FARP1: variants seen among roughly 807,000 people sequenced by gnomAD.
FARP1 encodes the protein FERM, ARH/RhoGEF and pleckstrin domain protein 1.
FARP1 carries 52 observed loss-of-function variants against 128.8 expected under a neutral mutation model. The ratio of observed to expected loss-of-function variants is 0.40; its 90% confidence interval spans 0.32 to 0.51. The LOEUF (loss-of-function observed/expected upper bound fraction) is 0.51. Ranked by LOEUF, FARP1 falls within the 20% of genes least tolerant of loss-of-function variation. The probability of loss-of-function intolerance (pLI) is 0.45; values close to 1 mark genes in which losing one functional copy is unlikely to be tolerated. For missense variants in FARP1, 1,333 were observed against 1,367.9 expected, an observed-to-expected ratio of 0.97 and a Z score of 0.40; for synonymous variants, 580 against 551.8, an observed-to-expected ratio of 1.05 and a Z score of -0.72.
chr13:98,168,185 A>AAT (rs1365140231), intron 1 of FARP1, among the ~76,000 whole-genome samples: 2 of 147,670 alleles, frequency 1.4e-5, no homozygotes, highest in Non-Finnish European at 2.9e-5. Flanking sequence ...AAAAAAAAAT[A>AAT]AAATAAATAA....
intron 13 of FARP1, chr13:98,404,231 TG>T (rs1475288459): frequency 6.6e-6 from 1 of 152,264 alleles, no homozygotes; most frequent in Admixed American, 6.5e-5. Context: ...GATGCTTAGC[TG>T]CTTGTGAAAC....
intron 6 of FARP1, among the ~76,000 whole-genome samples, chr13:98,378,448 G>C (rs980960605): frequency 3.9e-5 from 6 of 152,164 alleles, no homozygotes; most frequent in African/African-American, 1.2e-4. Context: ...CTCCAGGCTT[G>C]CTGACAAGCC....
intron 1 of FARP1, among the ~76,000 whole-genome samples, chr13:98,169,228 A>G (rs905577444): frequency 4.6e-5 from 7 of 152,050 alleles, no homozygotes; most frequent in African/African-American, 1.7e-4. Flanking sequence ...TTCAGCTTCT[A>G]TCTGAATGGG....
intron 24 of FARP1, among the ~76,000 whole-genome samples, chr13:98,443,476 T>C (rs7993719): frequency 0.018 from 2,776 of 152,280 alleles, 76 homozygotes; most frequent in African/African-American, 0.062. Context: ...CAGGGCCTCC[T>C]CCCTGCATGA....
intron 6 of FARP1, among the ~76,000 whole-genome samples, chr13:98,378,830 T>C (rs1360442912): frequency 2.1e-5 from 3 of 145,134 alleles, no homozygotes; most frequent in East Asian, 2.0e-4. Context: ...TTGAAAAAAA[T>C]GACATGGGCA....
chr13:98,179,096 C>T (rs1878317966), intron 1 of FARP1, among the ~76,000 whole-genome samples: 1 of 152,116 alleles, frequency 6.6e-6, no homozygotes, highest in Non-Finnish European at 1.5e-5. Context: ...TAAAGACACA[C>T]CTGAGACTGG....
chr13:98,232,142 TTGG>T (rs1882156216), intron 2 of FARP1, among the ~76,000 whole-genome samples: 2 of 126,918 alleles, frequency 1.6e-5, no homozygotes, highest in African/African-American at 3.9e-5. Flanking sequence ...TTTTGTTTGG[TTGG>T]TTTTTTTTTT....
chr13:98,351,725 A>G (rs369817781), intron 3 of FARP1, among the ~76,000 whole-genome samples: 3 of 152,148 alleles, frequency 2.0e-5, no homozygotes, highest in Admixed American at 6.5e-5. Flanking sequence ...CAGAAGGTGA[A>G]GTAGGAACAG....
rs147799598 is a variant in FARP1, at chr13:98,270,004, C to T, written c.171+56591C>T. ...CCTGTAGTCCCAACTACTTGGGAGG[C>T]TGAGGCCAGAGAATCACTTGAACCT... is the stretch of plus-strand genomic sequence containing the variant. On this transcript the variant is annotated intron_variant, in intron 2 of 26. Transcript: ENST00000319562. 1.0e-3 allele frequency among the ~76,000 whole-genome samples: 158 copies of T among 152,222 alleles called. 1 individual carries two copies. The East Asian group carries it at 0.029, about 28-fold the overall frequency.
intron 2 of FARP1, among the ~76,000 whole-genome samples, chr13:98,309,982 G>T (rs1886382950): frequency 6.6e-6 from 1 of 151,962 alleles, no homozygotes; most frequent in Admixed American, 6.6e-5. Context: ...CTCTTCCTCT[G>T]TCTGTGTGCG....
chr13:98,162,567 C>T (rs1269363574), intron 1 of FARP1, among the ~76,000 whole-genome samples: 1 of 152,168 alleles, frequency 6.6e-6, no homozygotes, highest in Non-Finnish European at 1.5e-5. Flanking sequence ...TGTTTGGCCC[C>T]CATGGTCTGT....
intron 2 of FARP1, among the ~76,000 whole-genome samples, chr13:98,261,498 C>T (rs1883879790): frequency 6.6e-6 from 1 of 151,530 alleles, no homozygotes; most frequent in African/African-American, 2.4e-5. Flanking sequence ...TCAGCTCCCA[C>T]TGGTATGCAT....
intron 24 of FARP1, among the ~76,000 whole-genome samples, chr13:98,441,081 A>G (rs1286251961): frequency 6.6e-6 from 1 of 152,234 alleles, no homozygotes; most frequent in African/African-American, 2.4e-5. Flanking sequence ...GGTGCTCATC[A>G]GTCCTATTGC....
At chr13:98,440,911 G>A in intron 24 of FARP1, 75 bp downstream of exon 24, 1 of 1,434,550 alleles carries the variant, frequency 7.0e-7, no homozygotes. Context: ...TTCTGGGCCA[G>A]GGGCTTGAGG....
chr13:98,206,137 A>G (rs1201860714), intron 1 of FARP1, among the ~76,000 whole-genome samples: 2 of 151,748 alleles, frequency 1.3e-5, no homozygotes, highest in Non-Finnish European at 2.9e-5. Context: ...CAGCAGACAG[A>G]GCCGTGTTCC....
rs55655830 is a variant in FARP1, at chr13:98,423,558, T to C, written c.1827-1014T>C. ...TGTCTCTGGGAAATTCCTTTCTCAGTGATGGGAAAGTCAGCAGCTATGCAC... is the reference window on the plus strand; with the variant it reads ...TGTCTCTGGGAAATTCCTTTCTCAGCGATGGGAAAGTCAGCAGCTATGCAC... On this transcript the variant is annotated intron_variant, in intron 16 of 26. Coordinates refer to ENST00000319562, the MANE Select transcript of FARP1 (RefSeq NM_005766.4). Among the ~76,000 whole-genome samples, 613 of 152,246 alleles carry C rather than the reference T, an allele frequency of 4.0e-3. 3 individuals are homozygous for C. Among genetic ancestry groups the C allele is most frequent in the Non-Finnish European group, 6.5e-3 (441 of 68,018 alleles).
chr13:98,259,882 A>AGTGTGTGTGTGTGTGTGT (rs60886784), intron 2 of FARP1, among the ~76,000 whole-genome samples: 8,054 of 128,660 alleles, frequency 0.063, 423 homozygotes, highest in Non-Finnish European at 0.082. Context: ...ATACCTGAAA[A>AGTGTGTGTGTGTGTGTGT]GTGTGTGTGT....
At chr13:98,234,342 C>G (rs1243494272) in intron 2 of FARP1, 1 of 152,326 alleles carries the variant, frequency 6.6e-6, no homozygotes, top group South Asian at 2.1e-4. Flanking sequence ...AGTAAGTGGC[C>G]TGTTGGCTGA....
intron 2 of FARP1, among the ~76,000 whole-genome samples, chr13:98,305,982 T>C (rs2139718808): frequency 6.6e-6 from 1 of 152,298 alleles, no homozygotes; most frequent in African/African-American, 2.4e-5. Context: ...CTCCACGCTT[T>C]GCTGTCTGTG....
Sources: allele counts gnomAD v4.1 joint callset (sites outside exome capture counted in the v4.1 genomes callset), GRCh38; gene constraint gnomAD v4.1.1; transcripts MANE v1.5; gene names NCBI Gene and HGNC (gene_info 2026-07-23, HGNC 2026-07-21).